EXOC4: variants seen among roughly 807,000 people sequenced by gnomAD.
EXOC4 encodes the protein exocyst complex component 4.
Under a neutral mutation model 107.2 loss-of-function variants are expected in EXOC4, and 71 were observed. The ratio of observed to expected loss-of-function variants is 0.66; its 90% CI spans 0.55 to 0.81. The LOEUF is 0.81. EXOC4 is among the 30% of genes least tolerant of loss of function. The probability of loss-of-function intolerance (pLI) is 0.00; values close to 1 mark genes in which losing one functional copy is unlikely to be tolerated. For synonymous variants in EXOC4, 456 were observed against 441.2 expected (o/e 1.03, Z -0.42); for missense variants, 1,108 against 1,189.6 (o/e 0.93, Z 1.01).
chr7:133,557,757 T>TA (rs1403738411), intron 9 of EXOC4, among the ~76,000 whole-genome samples: 2 of 152,042 alleles, frequency 1.3e-5, no homozygotes, highest in African/African-American at 4.8e-5. Flanking sequence ...TTGGGAGGCC[T>TA]AGACAGACAG....
chr7:133,938,040 C>T lies in EXOC4; in HGVS notation c.2177C>T (p.Ser726Leu). 6.2e-7 allele frequency: 1 copy of T among 1,614,172 alleles called. No homozygotes were observed. The highest frequency in any genetic ancestry group is 8.5e-7 in the Non-Finnish European group (1 of 1,180,038). The change falls in exon 14 of 18, where the codon TCA (serine) becomes TTA (leucine). Residue 726 changes from serine (S) to leucine (L), a missense_variant. Ser to Leu is a moderately radical substitution (Grantham distance 145, BLOSUM62 -2). Transcript: ENST00000253861. Reference protein sequence around the residue: ...SLEWLASRTKSAFSNLSTSQM... With the variant: ...SLEWLASRTKLAFSNLSTSQM... ...GAATGGTTGGCAAGTCGAACAAAGTCAGCTTTCTCCAATCTTTCTACATCC... is the reference window on the plus strand; with the variant it reads ...GAATGGTTGGCAAGTCGAACAAAGTTAGCTTTCTCCAATCTTTCTACATCC...
At chr7:133,922,828 G>A (rs1447063833) in intron 13 of EXOC4, among the ~76,000 whole-genome samples, 2 of 150,854 alleles carry the variant, frequency 1.3e-5, no homozygotes, top group East Asian at 2.0e-4. Context: ...AAGCCTGGGC[G>A]ACAGAGCGAG....
intron 7 of EXOC4, among the ~76,000 whole-genome samples, chr7:133,386,123 G>A (rs556531588): frequency 6.6e-6 from 1 of 152,024 alleles, no homozygotes; most frequent in South Asian, 2.1e-4. Context: ...ATAGAGATTT[G>A]TCTTTTCCTC....
At chr7:134,012,627 C>T (rs1046131256) in intron 17 of EXOC4, among the ~76,000 whole-genome samples, 4 of 152,022 alleles carry the variant, frequency 2.6e-5, no homozygotes, top group Admixed American at 6.6e-5. Flanking sequence ...AAAAGGGAGC[C>T]GGCAATACAA....
At chr7:133,657,331 C>A (rs927138586) in intron 10 of EXOC4, among the ~76,000 whole-genome samples, 1 of 151,956 alleles carries the variant, frequency 6.6e-6, no homozygotes, top group African/African-American at 2.4e-5. Flanking sequence ...ATTTTACTTC[C>A]GAGCATTTTT....
At chr7:133,952,685 A>G (rs1257156161) in intron 14 of EXOC4, among the ~76,000 whole-genome samples, 1 of 151,870 alleles carries the variant, frequency 6.6e-6, no homozygotes, top group East Asian at 1.9e-4. Context: ...CCTCCATTCT[A>G]CTTCCTATCT....
chr7:133,514,054 T>G (rs898202586), intron 9 of EXOC4, among the ~76,000 whole-genome samples: 1 of 152,212 alleles, frequency 6.6e-6, no homozygotes, highest in African/African-American at 2.4e-5. Flanking sequence ...ACTCAGACAT[T>G]GTTCTAGGTG....
At chr7:133,481,634 A>G (rs995677545) in intron 9 of EXOC4, among the ~76,000 whole-genome samples, 12 of 152,220 alleles carry the variant, frequency 7.9e-5, no homozygotes, top group Admixed American at 2.6e-4. Flanking sequence ...TAATAGTTCT[A>G]CAGCCCATAA....
intron 17 of EXOC4, among the ~76,000 whole-genome samples, chr7:134,010,879 T>C (rs139308097): frequency 2.6e-5 from 4 of 152,334 alleles, no homozygotes; most frequent in Non-Finnish European, 4.4e-5. Flanking sequence ...TGTTGATTCT[T>C]CTACTCATAG....
chr7:133,803,380 T>C (rs962070431), intron 10 of EXOC4, among the ~76,000 whole-genome samples: 8 of 152,190 alleles, frequency 5.3e-5, no homozygotes, highest in Non-Finnish European at 8.8e-5. Flanking sequence ...TACAAACCAT[T>C]TCTACAGGCT....
chr7:133,708,392 C>G (rs534523052), intron 10 of EXOC4, among the ~76,000 whole-genome samples: 9 of 152,174 alleles, frequency 5.9e-5, no homozygotes, highest in African/African-American at 2.2e-4. Context: ...TAAAAGAATT[C>G]CATTCCACAG....
chr7:133,822,005 A>T (rs1010329964), intron 11 of EXOC4, among the ~76,000 whole-genome samples: 2 of 152,210 alleles, frequency 1.3e-5, no homozygotes, highest in Non-Finnish European at 2.9e-5. Flanking sequence ...AAAATGTCAC[A>T]GTTCTTATGC....
intron 14 of EXOC4, among the ~76,000 whole-genome samples, chr7:133,987,354 TG>T (rs56141492): frequency 0.7 from 105,510 of 151,230 alleles, 37,207 homozygotes; most frequent in East Asian, 0.91. Context: ...CCCAGCTACT[TG>T]GGAGATGAGG....
Position 133,442,747 on chromosome 7 carries a change from G to A in EXOC4, c.1183-32581G>A, listed in dbSNP as rs145443528. ...GACCACAAGGAGAAGGGATTTGAAG[G>A]AATCGAAGATTTGCTGGATACTGAA... On this transcript the variant is annotated intron_variant, in intron 7 of 17. Transcript: ENST00000253861. Among the ~76,000 whole-genome samples the A allele has an allele frequency of 1.3e-3, 194 of 152,288 alleles. 1 individual carries two copies. Among genetic ancestry groups the A allele is most frequent in the African/African-American group, 4.6e-3 (192 of 41,566 alleles).
At chr7:133,924,462 A>G (rs1789246471) in intron 13 of EXOC4, among the ~76,000 whole-genome samples, 1 of 152,210 alleles carries the variant, frequency 6.6e-6, no homozygotes, top group Non-Finnish European at 1.5e-5. Context: ...TGATCCAAAG[A>G]AATGAATTTT....
intron 11 of EXOC4, among the ~76,000 whole-genome samples, chr7:133,849,541 A>G (rs1424262533): frequency 2.0e-5 from 3 of 152,226 alleles, no homozygotes; most frequent in East Asian, 1.9e-4. Context: ...GTACGTTTAC[A>G]TAGGTTTTAA....
intron 7 of EXOC4, among the ~76,000 whole-genome samples, chr7:133,385,835 A>C (rs1796714762): frequency 6.6e-6 from 1 of 152,190 alleles, no homozygotes; most frequent in African/African-American, 2.4e-5. Context: ...ATTTTACTTG[A>C]GAATCCGTGA....
intron 7 of EXOC4, among the ~76,000 whole-genome samples, chr7:133,465,471 C>T (rs377358720): frequency 8.6e-5 from 13 of 152,020 alleles, no homozygotes; most frequent in East Asian, 5.8e-4. Context: ...TAATGAATAC[C>T]CTTTTTTGAT....
intron 1 of EXOC4, among the ~76,000 whole-genome samples, chr7:133,266,269 A>C (rs1793729341): frequency 6.6e-6 from 1 of 152,152 alleles, no homozygotes; most frequent in African/African-American, 2.4e-5. Context: ...TTTTGGATTA[A>C]GGCCCACCCT....
Sources: allele counts gnomAD v4.1 joint callset (sites outside exome capture counted in the v4.1 genomes callset), GRCh38; gene constraint gnomAD v4.1.1; transcripts MANE v1.5; gene names NCBI Gene and HGNC (gene_info 2026-07-23, HGNC 2026-07-21).